Variants in ERC2 observed in about 807,000 individuals in gnomAD.
The protein encoded by ERC2 is ERC protein 2.
A neutral mutation model predicts 114.8 loss-of-function variants in ERC2; 42 were observed. The ratio of observed to expected loss-of-function variants is 0.37; its 90% CI spans 0.29 to 0.47. ERC2 has a LOEUF of 0.47. Ranked by LOEUF, ERC2 falls within the 20% of genes least tolerant of loss-of-function variation. The probability of loss-of-function intolerance (pLI) is 0.99; values close to 1 mark genes in which losing one functional copy is unlikely to be tolerated. For missense variants in ERC2, 939 were observed against 1,150.7 expected (o/e 0.82, Z 2.66); for synonymous variants, 454 against 425.5 (o/e 1.07, Z -0.82).
At chr3:55,673,433 A>T (rs1306393783) in intron 17 of ERC2, among the ~76,000 whole-genome samples, 1 of 152,004 alleles carries the variant, frequency 6.6e-6, no homozygotes, top group African/African-American at 2.4e-5. Context: ...AAATACAAAA[A>T]CTAGCTGGGC....
intron 2 of ERC2, among the ~76,000 whole-genome samples, chr3:56,367,430 C>A (rs951540976): frequency 6.6e-6 from 1 of 152,158 alleles, no homozygotes; most frequent in Non-Finnish European, 1.5e-5. Flanking sequence ...CCAGTGCCCT[C>A]TTCCCCCTTA....
intron 2 of ERC2, among the ~76,000 whole-genome samples, chr3:56,422,827 G>A (rs2061435732): frequency 6.6e-6 from 1 of 152,150 alleles, no homozygotes; most frequent in Non-Finnish European, 1.5e-5. Flanking sequence ...ATAAAATAGA[G>A]ATGCCATGTG....
intron 17 of ERC2, among the ~76,000 whole-genome samples, chr3:55,660,793 C>T (rs1202770486): frequency 2.0e-5 from 3 of 152,168 alleles, no homozygotes; most frequent in Non-Finnish European, 2.9e-5. Flanking sequence ...AGCCATGTGA[C>T]ACCTGCCCAG....
At chr3:55,851,452 G>T (rs966227899) in intron 14 of ERC2, among the ~76,000 whole-genome samples, 3 of 152,164 alleles carry the variant, frequency 2.0e-5, no homozygotes, top group Non-Finnish European at 2.9e-5. Context: ...ACTGGAGAAT[G>T]ACACACAACG....
At chr3:55,709,045 T>G (rs1454106606) in intron 15 of ERC2, among the ~76,000 whole-genome samples, 1 of 152,208 alleles carries the variant, frequency 6.6e-6, no homozygotes, top group African/African-American at 2.4e-5. Context: ...AAATATTTAT[T>G]ATCACTGGTT....
intron 2 of ERC2, among the ~76,000 whole-genome samples, chr3:56,323,298 C>T (rs1383723551): frequency 3.9e-5 from 6 of 152,124 alleles, no homozygotes; most frequent in Non-Finnish European, 8.8e-5. Context: ...CCACCCAAAA[C>T]GATAGAGGAA....
At chr3:55,547,801 A>C (rs899938625) in intron 17 of ERC2, among the ~76,000 whole-genome samples, 3 of 152,206 alleles carry the variant, frequency 2.0e-5, no homozygotes, top group Non-Finnish European at 2.9e-5. Flanking sequence ...TTTGCTACTA[A>C]AAGCGTTTTA....
intron 7 of ERC2, among the ~76,000 whole-genome samples, chr3:56,050,468 G>A (rs369989861): frequency 4.6e-5 from 7 of 152,130 alleles, no homozygotes; most frequent in African/African-American, 1.4e-4. Flanking sequence ...TGTGAAATGC[G>A]TGCGTCTCCT....
chr3:55,520,433 C>CAAAAAA (rs35883947), intron 17 of ERC2, among the ~76,000 whole-genome samples: 1 of 109,552 alleles, frequency 9.1e-6, no homozygotes, highest in Non-Finnish European at 1.8e-5. Flanking sequence ...GACTCTGTCT[C>CAAAAAA]AAAAAAAAAA....
intron 3 of ERC2, among the ~76,000 whole-genome samples, chr3:56,185,379 T>C (rs2083528717): frequency 6.6e-6 from 1 of 152,232 alleles, no homozygotes; most frequent in African/African-American, 2.4e-5. Context: ...TGTTATCCTA[T>C]GCCTCTACCA....
intron 2 of ERC2, among the ~76,000 whole-genome samples, chr3:56,333,496 T>C (rs566208005): frequency 2.0e-5 from 3 of 152,340 alleles, no homozygotes; most frequent in Non-Finnish European, 2.9e-5. Context: ...GAACAATAAA[T>C]TTAAAAGTAG....
chr3:56,213,092 C>T (rs934651030), intron 3 of ERC2, among the ~76,000 whole-genome samples: 24 of 152,280 alleles, frequency 1.6e-4, no homozygotes, highest in South Asian at 2.1e-4. Context: ...GCATGAGCAA[C>T]GCAGAAGACG....
chr3:55,961,455 C>G (rs1245342355), intron 12 of ERC2, among the ~76,000 whole-genome samples: 1 of 152,156 alleles, frequency 6.6e-6, no homozygotes, highest in African/African-American at 2.4e-5. Context: ...CCATGCCTGT[C>G]TTGCCATGAA....
intron 17 of ERC2, among the ~76,000 whole-genome samples, chr3:55,565,617 T>C (rs1418748001): frequency 6.6e-6 from 1 of 152,152 alleles, no homozygotes; most frequent in Non-Finnish European, 1.5e-5. Context: ...TGCTAAACTT[T>C]ATTAAACATC....
At chr3:55,571,186 A>G (rs544604261) in intron 17 of ERC2, among the ~76,000 whole-genome samples, 1 of 151,292 alleles carries the variant, frequency 6.6e-6, no homozygotes, top group Admixed American at 6.6e-5. Flanking sequence ...TGGTTAGAAA[A>G]CTCTATGATG....
intron 17 of ERC2, among the ~76,000 whole-genome samples, chr3:55,673,501 T>G (rs1376117372): frequency 3.3e-5 from 5 of 152,084 alleles, no homozygotes; most frequent in Middle Eastern, 3.2e-3. Flanking sequence ...GAGAATCACT[T>G]GAACCTGGGA....
intron 12 of ERC2, among the ~76,000 whole-genome samples, chr3:55,957,971 G>C (rs79092376): frequency 0.034 from 5,159 of 152,288 alleles, 169 homozygotes; most frequent in African/African-American, 0.084. Flanking sequence ...TGGTGAGTTG[G>C]GGGTGTGTTT....
chr3:56,262,092 A>AT (rs1264628119), intron 3 of ERC2, among the ~76,000 whole-genome samples: 23 of 151,890 alleles, frequency 1.5e-4, no homozygotes, highest in Admixed American at 1.4e-3. Flanking sequence ...TATGCACCAC[A>AT]TTTTTTTTAT....
At chr3:56,250,454 T>A (rs35659930) in intron 3 of ERC2, among the ~76,000 whole-genome samples, 34,577 of 152,182 alleles carry the variant, frequency 0.23, 4,625 homozygotes, top group Non-Finnish European at 0.29. Flanking sequence ...TTTCCTGGAA[T>A]AAGATCTAAG....
Sources: allele counts gnomAD v4.1 joint callset (sites outside exome capture counted in the v4.1 genomes callset), GRCh38; gene constraint gnomAD v4.1.1; transcripts MANE v1.5; gene names NCBI Gene and HGNC (gene_info 2026-07-23, HGNC 2026-07-21).